ADARB1: variants seen among roughly 807,000 people sequenced by gnomAD.
ADARB1 encodes the protein double-stranded RNA-specific editase 1.
Under a neutral mutation model 52.4 loss-of-function variants are expected in ADARB1, and 10 were observed. The observed-to-expected ratio is 0.19, with a 90% CI of 0.12 to 0.32. The LOEUF is 0.32. ADARB1 is among the 10% of genes least tolerant of loss of function. The probability of loss-of-function intolerance (pLI) is 1.00; values close to 1 mark genes in which losing one functional copy is unlikely to be tolerated. For synonymous variants in ADARB1, 349 were observed against 371.1 expected, an observed-to-expected ratio of 0.94 and a Z score of 0.68; for missense variants, 643 against 922.3, an observed-to-expected ratio of 0.70 and a Z score of 3.92.
rs944164413 is a variant in ADARB1 at position 45,200,212 on chromosome 21, A to T, written c.1566-4343A>T. Among the ~76,000 whole-genome samples, 10 of 152,064 alleles carry T rather than the reference A, an allele frequency of 6.6e-5. No individual in the cohort carries two copies. The highest frequency in any genetic ancestry group is 1.3e-4 in the Non-Finnish European group (9 of 67,980). Reference sequence around the variant, plus strand: ...AGTGACAGGCAGAGGGCCCAGGGCCATGGTAGGTTGGGGGTGGGGTGGGAG... The same window carrying T: ...AGTGACAGGCAGAGGGCCCAGGGCCTTGGTAGGTTGGGGGTGGGGTGGGAG... On this transcript the variant is annotated intron_variant, in intron 8 of 10. Transcript: ENST00000348831. The surrounding 1 kb of genome is among the most constrained non-coding windows in gnomAD (Gnocchi z 5.0).
intron 8 of ADARB1, among the ~76,000 whole-genome samples, chr21:45,188,555 C>T (rs11088983): frequency 0.51 from 77,364 of 151,834 alleles, 20,058 homozygotes; most frequent in South Asian, 0.57. Flanking sequence ...CTTTCACTTT[C>T]GGCCTATGTA....
intron 9 of ADARB1, among the ~76,000 whole-genome samples, chr21:45,205,194 A>T (rs2092643216): frequency 6.6e-6 from 1 of 152,120 alleles, no homozygotes; most frequent in Admixed American, 6.5e-5. Flanking sequence ...CCAGGAGGTC[A>T]AGGTTGCAGT....
At chr21:45,109,102 A>G (rs1188098142) in intron 1 of ADARB1, among the ~76,000 whole-genome samples, 1 of 152,084 alleles carries the variant, frequency 6.6e-6, no homozygotes, top group Non-Finnish European at 1.5e-5. Context: ...TCATGCGGGA[A>G]TCACCAGTCT....
At position 45,204,688 on chromosome 21, in the gene ADARB1, A is replaced by G. The variant is rs771823801; in HGVS notation, c.1699A>G (p.Ile567Val). The G allele has an allele frequency of 3.1e-6, 5 of 1,613,870 alleles. No individual in the cohort carries two copies. The highest frequency in any genetic ancestry group is 4.2e-6 in the Non-Finnish European group (5 of 1,179,956). ...SRAMYQRISN[I>V]EDLPPLYTLN... ...GGCCATGTACCAGCGGATCTCCAACATAGAGGACCTGCCACCTCTCTACAC... is the reference window on the plus strand; with the variant it reads ...GGCCATGTACCAGCGGATCTCCAACGTAGAGGACCTGCCACCTCTCTACAC... Residue 567 changes from isoleucine (I) to valine (V), a missense_variant, in exon 9 of 11, where the codon ATA becomes GTA. Ile to Val is a conservative substitution (Grantham distance 29). Around this residue, in one of 2 missense-constraint regions of ADARB1, gnomAD observed 263 missense variants for 475.8 expected, o/e 0.55. Transcript: ENST00000348831. This position sits in a 1 kb window ranked among gnomAD's most constrained non-coding sequence, Gnocchi z 4.4.
At position 45,224,635 on chromosome 21, in the gene ADARB1, C is replaced by G. The variant is rs1248664228; in HGVS notation, c.*2438C>G. 2 of 841,102 alleles carry G rather than the reference C, an allele frequency of 2.4e-6. No individual in the cohort carries two copies. The highest frequency in any genetic ancestry group is 1.2e-4 in the South Asian group (2 of 17,106). 52.1% of individuals were successfully genotyped at this position (841,102 alleles called of 1,614,324 possible). On this transcript the variant is annotated 3_prime_UTR_variant, in exon 11 of 11. Coordinates refer to ENST00000348831, the MANE Select transcript of ADARB1 (RefSeq NM_001112.4). ...GGAGTTGGGTTCAGGGAGCCCTGGG[C>G]GGGGTGGCTGTCAGGGGGAACTGGG... is the stretch of plus-strand genomic sequence containing the variant.
At chr21:45,097,379 C>T (rs879258672) in intron 1 of ADARB1, among the ~76,000 whole-genome samples, 31 of 152,054 alleles carry the variant, frequency 2.0e-4, no homozygotes, top group Non-Finnish European at 4.0e-4. Flanking sequence ...CAGGAGATAC[C>T]GAGGCCCTGT....
At chr21:45,138,237 C>T (rs1195745894) in intron 2 of ADARB1, among the ~76,000 whole-genome samples, 3 of 152,208 alleles carry the variant, frequency 2.0e-5, no homozygotes, top group Non-Finnish European at 4.4e-5. Context: ...ACTGTTAGTT[C>T]ACATGGAGGA....
chr21:45,116,828 G>C (rs1012876871), intron 1 of ADARB1: 3 of 152,172 alleles, frequency 2.0e-5, no homozygotes, highest in Non-Finnish European at 2.9e-5. Context: ...CCCACAGCAC[G>C]TGGGGATTAT....
rs752461733 is a variant in ADARB1, at chr21:45,221,703, G to A, written c.1927-315G>A. On this transcript the variant is annotated intron_variant, in intron 10 of 10. Transcript: ENST00000348831. This position sits in a 1 kb window ranked among gnomAD's most constrained non-coding sequence, Gnocchi z 4.9. ...CAGGGTGATGACACACATAACATCCGTGGTGCTTCTTAGAGTTAAAAATGA... is the reference window on the plus strand; with the variant it reads ...CAGGGTGATGACACACATAACATCCATGGTGCTTCTTAGAGTTAAAAATGA... 1.3e-5 allele frequency among the ~76,000 whole-genome samples: 2 copies of A among 152,168 alleles called. No individual in the cohort carries two copies. Among genetic ancestry groups the A allele is most frequent in the Admixed American group, 6.5e-5 (1 of 15,272 alleles).
chr21:45,086,116 G>A (rs929407089), intron 1 of ADARB1, among the ~76,000 whole-genome samples: 2 of 152,200 alleles, frequency 1.3e-5, no homozygotes, highest in African/African-American at 4.8e-5. Context: ...GTGTGAAGCC[G>A]GGATAGGGCG....
chr21:45,168,050 G>A (rs781381435), intron 2 of ADARB1, among the ~76,000 whole-genome samples: 2 of 152,098 alleles, frequency 1.3e-5, no homozygotes, highest in Admixed American at 1.3e-4. Flanking sequence ...TCTCGGAGGT[G>A]TGCAGCGGAG....
At chr21:45,186,169 C>T (rs2092098885) in intron 8 of ADARB1, among the ~76,000 whole-genome samples, 1 of 152,192 alleles carries the variant, frequency 6.6e-6, no homozygotes, top group African/African-American at 2.4e-5. Flanking sequence ...GTATTTGTTG[C>T]TAATTTACAG....
chr21:45,084,346 T>G (rs2086259790), intron 1 of ADARB1, among the ~76,000 whole-genome samples: 1 of 152,210 alleles, frequency 6.6e-6, no homozygotes, highest in Non-Finnish European at 1.5e-5. Context: ...GGCTGGCACT[T>G]GGCAGAGAGT....
chr21:45,112,547 C>T (rs191246905), intron 1 of ADARB1, among the ~76,000 whole-genome samples: 7 of 151,942 alleles, frequency 4.6e-5, no homozygotes, highest in Non-Finnish European at 1.0e-4. Context: ...TGGTGAGATT[C>T]GGCTTCTGTT....
At chr21:45,211,987 A>G (rs1456950703) in intron 9 of ADARB1, among the ~76,000 whole-genome samples, 1 of 152,122 alleles carries the variant, frequency 6.6e-6, no homozygotes, top group Non-Finnish European at 1.5e-5. Flanking sequence ...TGTTTCCTCC[A>G]TTTTTGTTTC....
intron 1 of ADARB1, among the ~76,000 whole-genome samples, chr21:45,077,461 C>T (rs181840745): frequency 1.3e-5 from 2 of 151,798 alleles, no homozygotes; most frequent in African/African-American, 2.4e-5. Flanking sequence ...GTCAGGAGAT[C>T]GAGACCATCC....
rs370340837 is a variant in ADARB1, at chr21:45,221,287, C to T, written c.1926+273C>T. Among the ~76,000 whole-genome samples the T allele has an allele frequency of 1.4e-3, 214 of 152,348 alleles. 3 individuals carry two copies. The South Asian group carries it at 0.017, about 12-fold the overall frequency. ...CTGTGTGTGGTGGAAACGTCTCTTACTCTCAGATATTGAAAGTCATTATGC... is the reference window on the plus strand; with the variant it reads ...CTGTGTGTGGTGGAAACGTCTCTTATTCTCAGATATTGAAAGTCATTATGC... On this transcript the variant is annotated intron_variant, in intron 10 of 10. Coordinates refer to ENST00000348831, the MANE Select transcript of ADARB1 (RefSeq NM_001112.4). This position sits in a 1 kb window ranked among gnomAD's most constrained non-coding sequence, Gnocchi z 4.9.
At chr21:45,185,145 AC>A in intron 8 of ADARB1, 54 bp downstream of exon 8, 1 of 1,565,064 alleles carries the variant, frequency 6.4e-7, no homozygotes, top group Non-Finnish European at 8.7e-7. Flanking sequence ...ATTCATCCAT[AC>A]TGTTTGCCAA....
chr21:45,176,582 C>T lies in ADARB1; in HGVS notation c.881C>T (p.Ala294Val), dbSNP rs2091704623. ...AKARAAQSAL[A>V]AIFNLHLDQT... ...GCCCGGGCTGCGCAGTCTGCCCTGG[C>T]CGCCATTTTTAACTTGCACTTGGAT... Residue 294 changes from alanine to valine, a missense_variant, in exon 4 of 11, where the codon GCC becomes GTC. Physicochemically the swap from Ala to Val is moderately conservative, Grantham distance 64. Coordinates refer to ENST00000348831, the MANE Select transcript of ADARB1 (RefSeq NM_001112.4). The surrounding 1 kb of genome is among the most constrained non-coding windows in gnomAD (Gnocchi z 5.8). 1 of 1,614,194 alleles carries T rather than the reference C, an allele frequency of 6.2e-7. No homozygotes were observed. Among genetic ancestry groups the T allele is most frequent in the Non-Finnish European group, 8.5e-7 (1 of 1,180,036 alleles).
Sources: allele counts gnomAD v4.1 joint callset (sites outside exome capture counted in the v4.1 genomes callset), GRCh38; gene constraint gnomAD v4.1.1; regional missense constraint gnomAD v4.1.1; non-coding constraint Gnocchi (gnomAD v3.1); transcripts MANE v1.5; gene names NCBI Gene and HGNC (gene_info 2026-07-23, HGNC 2026-07-21).